ULK4: variants seen among roughly 807,000 people sequenced by gnomAD.
ULK4 encodes the protein inactive serine/threonine-protein kinase ULK4.
Under a neutral mutation model 160.6 loss-of-function variants are expected in ULK4, and 133 were observed. The ratio of observed to expected loss-of-function variants is 0.83; its 90% CI spans 0.72 to 0.96. The LOEUF (loss-of-function observed/expected upper bound fraction) is 0.96, where lower values mean the gene tolerates loss of function less well. Ranked by LOEUF, ULK4 falls within the 40% of genes least tolerant of loss-of-function variation. ULK4 has a pLI of 0.00. For synonymous variants in ULK4, 534 were observed against 539.8 expected (o/e 0.99, Z 0.15); for missense variants, 1,580 against 1,499.5 (o/e 1.05, Z -0.89).
chr3:41,562,892 A>T (rs747065080), intron 32 of ULK4, among the ~76,000 whole-genome samples: 4 of 152,148 alleles, frequency 2.6e-5, no homozygotes, highest in Non-Finnish European at 4.4e-5. Context: ...TGTGAATTTG[A>T]TCCTGTCATT....
chr3:41,594,069 G>T (rs2031534670), intron 31 of ULK4, among the ~76,000 whole-genome samples: 1 of 151,830 alleles, frequency 6.6e-6, no homozygotes, highest in East Asian at 1.9e-4. Context: ...AGAGAGGGGA[G>T]GGAAAGGGAA....
intron 17 of ULK4, among the ~76,000 whole-genome samples, chr3:41,862,784 T>C (rs140465728): frequency 8.2e-6 from 1 of 121,970 alleles, no homozygotes; most frequent in Admixed American, 7.4e-5. Flanking sequence ...TCTCTCTCTC[T>C]CCGCTCCCCC....
At chr3:41,771,802 TC>T (rs2039390331) in intron 21 of ULK4, among the ~76,000 whole-genome samples, 1 of 152,166 alleles carries the variant, frequency 6.6e-6, no homozygotes, top group Non-Finnish European at 1.5e-5. Context: ...ATAATACCAA[TC>T]CTTTTATTTA....
chr3:41,433,339 G>C (rs28392666), intron 34 of ULK4, among the ~76,000 whole-genome samples: 86,230 of 152,028 alleles, frequency 0.57, 25,692 homozygotes, highest in African/African-American at 0.77. Flanking sequence ...TCAGAAAACT[G>C]AGTATCAGCA....
intron 29 of ULK4, among the ~76,000 whole-genome samples, chr3:41,680,947 T>C (rs913239208): frequency 6.6e-6 from 1 of 152,230 alleles, no homozygotes. Context: ...CATGTTTGCA[T>C]TAGGTGCCCT....
chr3:41,877,055 A>G (rs999613729), intron 17 of ULK4, among the ~76,000 whole-genome samples: 3 of 152,238 alleles, frequency 2.0e-5, no homozygotes, highest in African/African-American at 7.2e-5. Flanking sequence ...AACCAGAAAG[A>G]AAGTACAAAG....
At chr3:41,488,657 T>G (rs1046286188) in intron 32 of ULK4, among the ~76,000 whole-genome samples, 1 of 152,200 alleles carries the variant, frequency 6.6e-6, no homozygotes, top group African/African-American at 2.4e-5. Context: ...TGAGTAAGGC[T>G]CCTATACAGG....
chr3:41,699,186 G>A (rs552801166), intron 27 of ULK4, among the ~76,000 whole-genome samples: 35 of 152,082 alleles, frequency 2.3e-4, no homozygotes, highest in Admixed American at 1.8e-3. Flanking sequence ...TTTCAGAGTA[G>A]GTGTACCAAT....
At chr3:41,824,452 G>A (rs1008039249) in intron 18 of ULK4, among the ~76,000 whole-genome samples, 7 of 152,198 alleles carry the variant, frequency 4.6e-5, no homozygotes, top group East Asian at 3.9e-4. Context: ...CTGGAAAATC[G>A]GGTCACTCGC....
At chr3:41,274,998 C>T (rs2079205126) in intron 35 of ULK4, among the ~76,000 whole-genome samples, 1 of 152,226 alleles carries the variant, frequency 6.6e-6, no homozygotes, top group South Asian at 2.1e-4. Context: ...GTGCTCTACA[C>T]TGCCCACTAA....
chr3:41,776,222 C>T (rs183428658), intron 21 of ULK4, among the ~76,000 whole-genome samples: 2 of 151,104 alleles, frequency 1.3e-5, no homozygotes, highest in Non-Finnish European at 2.9e-5. Flanking sequence ...AGTTTACTGA[C>T]CATTCCAATT....
intron 30 of ULK4, among the ~76,000 whole-genome samples, chr3:41,647,790 C>T (rs1042174093): frequency 2.0e-5 from 3 of 152,202 alleles, no homozygotes; most frequent in African/African-American, 7.2e-5. Flanking sequence ...CTGTGCCCTG[C>T]CCCCAGGGGT....
chr3:41,437,655 C>T (rs1342988306), intron 34 of ULK4, among the ~76,000 whole-genome samples: 1 of 152,150 alleles, frequency 6.6e-6, no homozygotes, highest in Admixed American at 6.6e-5. Context: ...CACTAAACAC[C>T]TTTCTATTTT....
At chr3:41,271,837 T>C (rs1433479783) in intron 35 of ULK4, among the ~76,000 whole-genome samples, 3 of 152,214 alleles carry the variant, frequency 2.0e-5, no homozygotes, top group South Asian at 2.1e-4. Flanking sequence ...ATGATTTATA[T>C]TGAGAACATC....
chr3:41,472,230 G>A (rs1441233971), intron 32 of ULK4, among the ~76,000 whole-genome samples: 3 of 152,034 alleles, frequency 2.0e-5, no homozygotes, highest in African/African-American at 7.2e-5. Context: ...AAGAAAGGAT[G>A]TATTCCTAAA....
intron 17 of ULK4, among the ~76,000 whole-genome samples, chr3:41,880,617 C>T (rs754786165): frequency 6.6e-6 from 1 of 152,096 alleles, no homozygotes; most frequent in African/African-American, 2.4e-5. Context: ...AAATGAGGTT[C>T]TATGCCATTA....
In ULK4 at chr3:41,824,306, C is replaced by T. The variant is rs184861201; in HGVS notation, c.1765-4800G>A. Reference sequence around the variant, plus strand: ...CCAGGTTCATCTCACTGGGGAGTGTCGGACAGTGGGTGCAGGACAGTGGGT... The same window carrying T: ...CCAGGTTCATCTCACTGGGGAGTGTTGGACAGTGGGTGCAGGACAGTGGGT... On this transcript the variant is annotated intron_variant, in intron 18 of 36. Coordinates refer to ENST00000301831, the MANE Select transcript of ULK4 (RefSeq NM_017886.4). Among the ~76,000 whole-genome samples the T allele has an allele frequency of 3.2e-3, 481 of 152,006 alleles. 1 individual carries two copies. Among genetic ancestry groups the T allele is most frequent in the African/African-American group, 0.011 (455 of 41,478 alleles).
intron 16 of ULK4, among the ~76,000 whole-genome samples, chr3:41,887,580 G>A (rs1485095609): frequency 6.6e-6 from 1 of 152,174 alleles, no homozygotes; most frequent in Admixed American, 6.5e-5. Context: ...CAGCATTTGG[G>A]AGGCCGAGGC....
At position 41,463,233 on chromosome 3, in the gene ULK4, T is replaced by C. The variant is rs2083738135; in HGVS notation, c.3247A>G (p.Asn1083Asp). ...YEQGLVSHICNLLTETATLCL... is the reference protein window; with the variant it reads ...YEQGLVSHICDLLTETATLCL... ...AGTGTGGCAGTTTCAGTGAGCAGGTTACAGATGTGACTGACAAGTCCTGAG... is the reference window on the plus strand; with the variant it reads ...AGTGTGGCAGTTTCAGTGAGCAGGTCACAGATGTGACTGACAAGTCCTGAG... The change falls in exon 33 of 37, where the codon AAC (asparagine) becomes GAC (aspartate). Residue 1083 changes from asparagine (N) to aspartate (D), a missense_variant. Physicochemically the swap from Asn to Asp is conservative, Grantham distance 23 (BLOSUM62 1). Coordinates refer to ENST00000301831, the MANE Select transcript of ULK4 (RefSeq NM_017886.4). 4.3e-6 allele frequency: 7 copies of C among 1,613,204 alleles called. No homozygotes were observed. Among genetic ancestry groups the C allele is most frequent in the Non-Finnish European group, 5.9e-6 (7 of 1,179,536 alleles).
Sources: gnomAD v4.1 joint callset for allele counts (sites outside exome capture counted in the v4.1 genomes callset) on GRCh38, gnomAD v4.1.1 for gene constraint, MANE v1.5 for transcripts, NCBI Gene and HGNC (gene_info 2026-07-23, HGNC 2026-07-21) for gene names.